The following NEB variants were observed in gnomAD, a reference collection of about 807,000 sequenced individuals.
NEB encodes nemaline myopathy type 2.
In NEB, 512 loss-of-function variants were observed where a neutral mutation model predicts 952.2. That is an observed-to-expected ratio of 0.54 (90% CI 0.50 to 0.58). The LOEUF (loss-of-function observed/expected upper bound fraction) is 0.58, where lower values mean the gene tolerates loss of function less well. Among genes scored for constraint, NEB ranks in the 20% least tolerant of loss-of-function variants. The probability of loss-of-function intolerance (pLI) is 0.00; values close to 1 mark genes in which losing one functional copy is unlikely to be tolerated. For synonymous variants in NEB, 2,900 were observed against 3,149.8 expected (o/e 0.92, Z 2.66); for missense variants, 8,428 against 9,231.1 (o/e 0.91, Z 3.56).
At chr2:151,511,550 A>C (rs1158670917) in intron 161 of NEB, among the ~76,000 whole-genome samples, 1 of 152,222 alleles carries the variant, frequency 6.6e-6, no homozygotes, top group East Asian at 1.9e-4. Context: ...GCGAATCTAC[A>C]TCCCCAGGTG....
chr2:151,533,391 G>T, intron 143 of NEB, 51 bp downstream of exon 143: 1 of 1,178,148 alleles, frequency 8.5e-7, no homozygotes, highest in Non-Finnish European at 1.2e-6. Context: ...ACAAGGGAAT[G>T]CATCCAAGAC....
rs1400925372 is a variant in NEB, at chr2:151,692,006, A to T, written c.2107-38T>A. ...AAACCAAAAATAGATCATGATTGTT[A>T]TGGCTCTCAAACAATGTCACTGTGA... On this transcript the variant is annotated intron_variant, in intron 22 of 181. Transcript: ENST00000397345. 3 of 1,605,088 alleles carry T rather than the reference A, an allele frequency of 1.9e-6. No homozygotes were observed. The South Asian group carries it at 3.3e-5, about 18-fold the overall frequency.
In NEB at chr2:151,567,355, T is replaced by C; in HGVS notation, c.17969A>G (p.Lys5990Arg). Reference protein sequence around the residue: ...AGQIQNERLYKEDYHKTKAKI... With the variant: ...AGQIQNERLYREDYHKTKAKI... ...GGCCTTTGTTTTGTGATAGTCCTCT[T>C]TGTATAGTCTCTCATTCTGAATCTG... Residue 5990 changes from lysine (K) to arginine (R), a missense_variant, in exon 114 of 182, where the codon AAA becomes AGA. Lys to Arg is a conservative substitution (Grantham distance 26, BLOSUM62 2). This residue lies in a region of NEB where 3,374 missense variants were observed against 3,651.5 expected (regional missense o/e 0.92). Transcript: ENST00000397345. 6.2e-7 allele frequency: 1 copy of C among 1,613,898 alleles called. No homozygotes were observed. Among genetic ancestry groups the C allele is most frequent in the Non-Finnish European group, 8.5e-7 (1 of 1,179,850 alleles).
chr2:151,675,402 A>G lies in NEB; in HGVS notation c.3775-11T>C. ...AGCCTTGTATAAGATCTGCAATAAA[A>G]TGCATTTCACATAGTGCAAAAAGGA... On this transcript the variant is annotated splice_polypyrimidine_tract_variant and intron_variant, in intron 34 of 181. Coordinates refer to ENST00000397345, the MANE Select transcript of NEB (RefSeq NM_001164508.2). 1 of 1,520,772 alleles carries G rather than the reference A, an allele frequency of 6.6e-7. No homozygotes were observed. Among genetic ancestry groups the G allele is most frequent in the Non-Finnish European group, 9.0e-7 (1 of 1,114,554 alleles). The allele number at this position is 1,520,772 out of a possible 1,614,324, so 94.2% of individuals were successfully genotyped here.
At chr2:151,661,231 G>GA (rs1015951954) in intron 46 of NEB, among the ~76,000 whole-genome samples, 2 of 151,986 alleles carry the variant, frequency 1.3e-5, no homozygotes, top group Non-Finnish European at 2.9e-5. Flanking sequence ...CACTAACACT[G>GA]AAAAAAATAG....
At chr2:151,522,801 C>T (rs1177699943) in intron 153 of NEB, among the ~76,000 whole-genome samples, 1 of 152,152 alleles carries the variant, frequency 6.6e-6, no homozygotes, top group African/African-American at 2.4e-5. Context: ...AGATGCAGCG[C>T]CGTGCCCTCT....
chr2:151,709,905 G>A lies in NEB; in HGVS notation c.928-142C>T, dbSNP rs558185112. 115 of 638,284 alleles carry A rather than the reference G, an allele frequency of 1.8e-4. 1 individual carries two copies. The East Asian group carries it at 2.9e-3, about 16-fold the overall frequency. The allele number at this position is 638,284 out of a possible 1,614,324, so 39.5% of individuals were successfully genotyped here. A position where few individuals can be genotyped will look rare whatever the true frequency, so the allele number is the denominator to read the frequency against. ...GCTGGTCAGATTACAATTAGAGAAT[G>A]TGGTACCATTACAAAAATGATTAGC... On this transcript the variant is annotated intron_variant, in intron 11 of 181. Transcript: ENST00000397345.
rs1174034398 is a variant in NEB, at chr2:151,674,553, A to T, written c.3911T>A (p.Ile1304Lys). 1.2e-6 allele frequency: 2 copies of T among 1,613,694 alleles called. No individual in the cohort carries two copies. The highest frequency in any genetic ancestry group is 1.7e-6 in the Non-Finnish European group (2 of 1,179,760). Residue 1304 changes from isoleucine to lysine, a missense_variant, in exon 36 of 182, where the codon ATA becomes AAA. Around this residue, in one of 11 missense-constraint regions of NEB, gnomAD observed 2,851 missense variants for 2,791.5 expected, o/e 1.02. Transcript: ENST00000397345. ...GCCCAGCACATTGTTGCCCTTGGCTATTAAGTCATACCAATCCCGTTTATA... is the reference window on the plus strand; with the variant it reads ...GCCCAGCACATTGTTGCCCTTGGCTTTTAAGTCATACCAATCCCGTTTATA... Reference protein sequence around the residue: ...VCYKRDWYDLIAKGNNVLGDA... With the variant: ...VCYKRDWYDLKAKGNNVLGDA...
chr2:151,629,218 T>C (rs1277927175), intron 68 of NEB, among the ~76,000 whole-genome samples: 1 of 152,140 alleles, frequency 6.6e-6, no homozygotes, highest in Non-Finnish European at 1.5e-5. Flanking sequence ...CATTTTCTAT[T>C]TTCTGTGAGG....
At chr2:151,542,228 C>T (rs2094159944) in intron 135 of NEB, among the ~76,000 whole-genome samples, 1 of 152,178 alleles carries the variant, frequency 6.6e-6, no homozygotes, top group Non-Finnish European at 1.5e-5. Flanking sequence ...CATCAGCCTT[C>T]CTCTGGTTCT....
intron 13 of NEB, among the ~76,000 whole-genome samples, chr2:151,698,064 TCAAAACAAAACAAAA>T (rs56333529): frequency 1.5e-4 from 22 of 150,730 alleles, no homozygotes; most frequent in Middle Eastern, 3.4e-3. Context: ...AGACTCCGTC[TCAAAACAAAACAAAA>T]CAAAACAAAA....
chr2:151,503,055 T>C, intron 166 of NEB, 170 bp from the exon 167 acceptor site: 1 of 589,158 alleles, frequency 1.7e-6, no homozygotes, highest in Non-Finnish European at 3.0e-6. Context: ...AACTCTACAA[T>C]GCTAATTCTG....
chr2:151,540,474 G>C, intron 137 of NEB, 26 bp from the exon 138 acceptor site: 26 of 1,509,922 alleles, frequency 1.7e-5, no homozygotes, highest in African/African-American at 2.8e-5. Context: ...AGAAGAGAGA[G>C]ACAAGCTTAA....
Position 151,640,654 on chromosome 2 carries a change from C to G in NEB, c.8386G>C (p.Glu2796Gln). 1 of 1,609,774 alleles carries G rather than the reference C, an allele frequency of 6.2e-7. No homozygotes were observed. The highest frequency in any genetic ancestry group is 1.1e-5 in the South Asian group (1 of 90,848). ...TGGCCGAGCTGCTTACGATAGCCTT[C>G]TTTGTACTTGAACTAAAAGAAGAAA... ...RDIASEFKYK[E>Q]GYRKQLGHHI... The change falls in exon 61 of 182, where the codon GAA becomes CAA. Residue 2796 changes from glutamate (E) to glutamine (Q), a missense_variant. Transcript: ENST00000397345.
intron 119 of NEB, 77 bp from the exon 120 acceptor site, chr2:151,562,885 T>C: frequency 2.0e-6 from 2 of 977,688 alleles, no homozygotes; most frequent in Non-Finnish European, 3.1e-6. Context: ...TAGATCCTTA[T>C]TTCCCATATA....
At chr2:151,521,065 T>G (rs1345144759) in intron 153 of NEB, among the ~76,000 whole-genome samples, 2 of 152,076 alleles carry the variant, frequency 1.3e-5, no homozygotes, top group African/African-American at 4.8e-5. Context: ...AAAAGGGCAA[T>G]ATTTAACCCT....
Position 151,695,560 on chromosome 2 carries a change from AG to A in NEB, c.1674+17del. 1 of 1,582,734 alleles carries A rather than the reference AG, an allele frequency of 6.3e-7. No individual in the cohort carries two copies. The highest frequency in any genetic ancestry group is 8.7e-7 in the Non-Finnish European group (1 of 1,152,232). ...AGGTTGTCAGTACATCACATGGTACAGGGCATAAGGAACTTACATCACTCAA... is the reference window on the plus strand; with the variant it reads ...AGGTTGTCAGTACATCACATGGTACAGGCATAAGGAACTTACATCACTCAA... On this transcript the variant is annotated intron_variant, in intron 18 of 181. Coordinates refer to ENST00000397345, the MANE Select transcript of NEB (RefSeq NM_001164508.2).
intron 71 of NEB, among the ~76,000 whole-genome samples, chr2:151,622,857 C>A (rs2098446287): frequency 6.6e-6 from 1 of 152,082 alleles, no homozygotes; most frequent in Non-Finnish European, 1.5e-5. Flanking sequence ...GCTTTTCTAT[C>A]CAGAATTCAG....
chr2:151,729,971 A>G (rs1226163155), intron 3 of NEB, among the ~76,000 whole-genome samples: 2 of 152,202 alleles, frequency 1.3e-5, no homozygotes, highest in African/African-American at 4.8e-5. Context: ...TATGGTCCCC[A>G]AGATAGAATT....
Sources: allele counts gnomAD v4.1 joint callset (sites outside exome capture counted in the v4.1 genomes callset), GRCh38; gene constraint gnomAD v4.1.1; regional missense constraint gnomAD v4.1.1; transcripts MANE v1.5; gene names NCBI Gene and HGNC (gene_info 2026-07-23, HGNC 2026-07-21).